PPARA: variants seen among roughly 807,000 people sequenced by gnomAD.
The protein encoded by PPARA is peroxisome proliferator-activated receptor alpha.
In PPARA, 22 loss-of-function variants were observed where a neutral mutation model predicts 42.2. The ratio of observed to expected loss-of-function variants is 0.52; its 90% CI spans 0.37 to 0.74. The LOEUF (loss-of-function observed/expected upper bound fraction) is 0.74. Among genes scored for constraint, PPARA ranks in the 30% least tolerant of loss-of-function variants. PPARA has a pLI of 0.00. For missense variants in PPARA, 465 were observed against 608.2 expected, an observed-to-expected ratio of 0.76 and a Z score of 2.48; for synonymous variants, 242 against 239.3, an observed-to-expected ratio of 1.01 and a Z score of -0.10.
At position 46,211,868 on chromosome 22, in the gene PPARA, C is replaced by A. The variant is rs1933968853; in HGVS notation, c.209-3305C>A. ...CCCTGGCTAACTTTTTGTATTTTTA[C>A]AAAATACAAAAGACGATGTTTCACT... is the stretch of plus-strand genomic sequence containing the variant. On this transcript the variant is annotated intron_variant, in intron 4 of 8. Coordinates refer to ENST00000407236, the MANE Select transcript of PPARA (RefSeq NM_005036.6). This position sits in a 1 kb window ranked among gnomAD's most constrained non-coding sequence, Gnocchi z 4.1. Among the ~76,000 whole-genome samples, 1 of 151,984 alleles carries A rather than the reference C, an allele frequency of 6.6e-6. No individual in the cohort carries two copies. The highest frequency in any genetic ancestry group is 2.4e-5 in the African/African-American group (1 of 41,372).
At position 46,232,231 on chromosome 22, in the gene PPARA, G is replaced by C. The variant is rs775585199; in HGVS notation, c.1151G>C (p.Cys384Ser). 6.2e-7 allele frequency: 1 copy of C among 1,614,068 alleles called. No individual in the cohort carries two copies. Among genetic ancestry groups the C allele is most frequent in the South Asian group, 1.1e-5 (1 of 91,082 alleles). Residue 384 changes from cysteine to serine, a missense_variant, in exon 8 of 9, where the codon TGC becomes TCC. By Grantham distance (112) the Cys-to-Ser change is moderately radical (BLOSUM62 -1). Around this residue, in one of 2 missense-constraint regions of PPARA, gnomAD observed 313 missense variants for 469.1 expected, o/e 0.67. Transcript: ENST00000407236. The surrounding 1 kb of genome is among the most constrained non-coding windows in gnomAD (Gnocchi z 5.3). ...DISLFVAAII[C>S]CGDRPGLLNV... Reference sequence around the variant, plus strand: ...TCCCTTTTTGTGGCTGCTATCATTTGCTGTGGAGGTGAGTGGTTGATTTAA... The same window carrying C: ...TCCCTTTTTGTGGCTGCTATCATTTCCTGTGGAGGTGAGTGGTTGATTTAA...
intron 2 of PPARA, among the ~76,000 whole-genome samples, chr22:46,172,337 AAAAC>A (rs1413294194): frequency 6.6e-6 from 1 of 151,840 alleles, no homozygotes; most frequent in Non-Finnish European, 1.5e-5. Context: ...AAAAAAAAAA[AAAAC>A]AGCATTGGGC....
rs779537201 is a variant in PPARA, at chr22:46,215,156, C to T, written c.209-17C>T. On this transcript the variant is annotated splice_polypyrimidine_tract_variant and intron_variant, in intron 4 of 8. Transcript: ENST00000407236. The stretch of plus-strand genomic sequence containing the variant: ...TGATGCCTGGACTATTCATCCGTCT[C>T]TCCTCTTTTTCCCCAGACACGCTTT... 1.9e-6 allele frequency: 3 copies of T among 1,612,940 alleles called. No homozygotes were observed. The African/African-American group carries it at 4.0e-5, about 22-fold the overall frequency.
intron 4 of PPARA, among the ~76,000 whole-genome samples, chr22:46,205,554 ATTT>A (rs1322589111): frequency 5.4e-4 from 7 of 12,912 alleles, no homozygotes; most frequent in African/African-American, 8.6e-4. Flanking sequence ...ATATATATAT[ATTT>A]TTTTTTTTTT....
At position 46,153,163 on chromosome 22, in the gene PPARA, CTTT is replaced by C. The variant is rs996863467; in HGVS notation, c.-127+1214_-127+1216del. On this transcript the variant is annotated intron_variant, in intron 2 of 8. Coordinates refer to ENST00000407236, the MANE Select transcript of PPARA (RefSeq NM_005036.6). ...TGTTTTTTCTTTCTTTTCCCACATC[CTTT>C]TTTTTTTTTTTTTTTTTTTTGTGAC... Among the ~76,000 whole-genome samples, 1,074 of 109,076 alleles carry C rather than the reference CTTT, an allele frequency of 9.8e-3. 4 individuals carry two copies. The highest frequency in any genetic ancestry group is 0.038 in the African/African-American group (1,017 of 27,104). The allele number at this position is 109,076 out of a possible 152,430, so 71.6% of individuals were successfully genotyped here.
rs1449195441 is a variant in PPARA, at chr22:46,156,845, A to G, written c.-127+4875A>G. Among the ~76,000 whole-genome samples the G allele has an allele frequency of 6.6e-6, 1 of 152,090 alleles. No homozygotes were observed. Among genetic ancestry groups the G allele is most frequent in the Non-Finnish European group, 1.5e-5 (1 of 68,036 alleles). On this transcript the variant is annotated intron_variant, in intron 2 of 8. Coordinates refer to ENST00000407236, the MANE Select transcript of PPARA (RefSeq NM_005036.6). The surrounding 1 kb of genome is among the most constrained non-coding windows in gnomAD (Gnocchi z 5.2). ...TTGAACTTCTGACCTCAGGTGATCC[A>G]CCTGCTTCAGCCTCCCAAAGTCTTA...
intron 4 of PPARA, among the ~76,000 whole-genome samples, chr22:46,208,254 G>A (rs778940374): frequency 7.2e-5 from 11 of 152,140 alleles, no homozygotes; most frequent in Non-Finnish European, 1.3e-4. Context: ...TTTGTGTGTG[G>A]TGAGAACATG....
rs1454238829 is a variant in PPARA, at chr22:46,160,137, C to T, written c.-127+8167C>T. Among the ~76,000 whole-genome samples the T allele has an allele frequency of 1.3e-5, 2 of 152,178 alleles. No individual in the cohort carries two copies. Among genetic ancestry groups the T allele is most frequent in the African/African-American group, 4.8e-5 (2 of 41,440 alleles). The stretch of plus-strand genomic sequence containing the variant: ...CAGAGGAGCAGGCTCCCATTCCCAG[C>T]TAAGGGTGGCAGCTGGCGGGGATCT... On this transcript the variant is annotated intron_variant, in intron 2 of 8. Coordinates refer to ENST00000407236, the MANE Select transcript of PPARA (RefSeq NM_005036.6). This position sits in a 1 kb window ranked among gnomAD's most constrained non-coding sequence, Gnocchi z 4.5.
At position 46,200,430 on chromosome 22, in the gene PPARA, G is replaced by A. The variant is rs146319280; in HGVS notation, c.208+1839G>A. Among the ~76,000 whole-genome samples, 921 of 152,348 alleles carry A rather than the reference G, an allele frequency of 6.0e-3. 8 individuals carry two copies. The highest frequency in any genetic ancestry group is 9.1e-3 in the Non-Finnish European group (621 of 68,034). On this transcript the variant is annotated intron_variant, in intron 4 of 8. Transcript: ENST00000407236. The surrounding 1 kb of genome is among the most constrained non-coding windows in gnomAD (Gnocchi z 4.8). ...GTACAGCGTGTTACTGTACTGAACG[G>A]CGTAGGCCCCTGTGACACAATGGTA...
At chr22:46,172,353 G>A (rs936547987) in intron 2 of PPARA, among the ~76,000 whole-genome samples, 4 of 151,114 alleles carry the variant, frequency 2.6e-5, no homozygotes, top group South Asian at 2.1e-4. Flanking sequence ...GCATTGGGCC[G>A]GGCAGTGGCT....
chr22:46,214,345 A>C (rs1714930221), intron 4 of PPARA, among the ~76,000 whole-genome samples: 1 of 149,986 alleles, frequency 6.7e-6, no homozygotes, highest in African/African-American at 2.5e-5. Flanking sequence ...GCGTACCCAG[A>C]GGTGCAGATC....
Position 46,173,527 on chromosome 22 carries a change from T to G in PPARA, c.-126-3226T>G, listed in dbSNP as rs1248515607. Among the ~76,000 whole-genome samples the G allele has an allele frequency of 6.6e-6, 1 of 152,196 alleles. No homozygotes were observed. Among genetic ancestry groups the G allele is most frequent in the Non-Finnish European group, 1.5e-5 (1 of 68,034 alleles). ...ACTAAGGCAGCTGCTACATTCTGTTTGCCAAGGGGAAGAAGAAAGCTTGGA... is the reference window on the plus strand; with the variant it reads ...ACTAAGGCAGCTGCTACATTCTGTTGGCCAAGGGGAAGAAGAAAGCTTGGA... On this transcript the variant is annotated intron_variant, in intron 2 of 8. Coordinates refer to ENST00000407236, the MANE Select transcript of PPARA (RefSeq NM_005036.6). This position sits in a 1 kb window ranked among gnomAD's most constrained non-coding sequence, Gnocchi z 4.3.
chr22:46,175,304 C>T (rs1928857787), intron 2 of PPARA, among the ~76,000 whole-genome samples: 1 of 152,188 alleles, frequency 6.6e-6, no homozygotes, highest in Non-Finnish European at 1.5e-5. Flanking sequence ...ATAATGTTTC[C>T]ATCACCAATC....
Position 46,203,501 on chromosome 22 carries a change from A to G in PPARA, c.208+4910A>G, listed in dbSNP as rs1601735325. 6.6e-6 allele frequency among the ~76,000 whole-genome samples: 1 copy of G among 152,206 alleles called. No homozygotes were observed. The highest frequency in any genetic ancestry group is 2.4e-5 in the African/African-American group (1 of 41,454). On this transcript the variant is annotated intron_variant, in intron 4 of 8. Transcript: ENST00000407236. This position sits in a 1 kb window ranked among gnomAD's most constrained non-coding sequence, Gnocchi z 5.8. ...ACACACACGCATCTGTGAAACCATC[A>G]TCACACTCAAAATAGTGATGTAGAA...
chr22:46,229,838 A>C (rs1477287389), intron 7 of PPARA, among the ~76,000 whole-genome samples: 5 of 152,228 alleles, frequency 3.3e-5, no homozygotes, highest in Non-Finnish European at 5.9e-5. Flanking sequence ...CTTTTTGTCC[A>C]GCATTATGTT....
Position 46,183,874 on chromosome 22 carries a change from T to A in PPARA, c.-43+7038T>A, listed in dbSNP as rs1302222950. Among the ~76,000 whole-genome samples, 6 of 152,230 alleles carry A rather than the reference T, an allele frequency of 3.9e-5. No homozygotes were observed. The highest frequency in any genetic ancestry group is 1.4e-4 in the African/African-American group (6 of 41,544). ...AACCACACAGAGGGTTCTAACGTGG[T>A]TGTTAGAAGCAGAAACTAGAGGCTT... On this transcript the variant is annotated intron_variant, in intron 3 of 8. Coordinates refer to ENST00000407236, the MANE Select transcript of PPARA (RefSeq NM_005036.6). The surrounding 1 kb of genome is among the most constrained non-coding windows in gnomAD (Gnocchi z 5.5).
chr22:46,239,343 A>C lies in PPARA; in HGVS notation c.*3963A>C, dbSNP rs1160597343. On this transcript the variant is annotated 3_prime_UTR_variant, in exon 9 of 9. Transcript: ENST00000407236. ...ACAACTTAGCCACCACTTCCCCGCAATGGACCATGTAACAAATACCTCAGC... is the reference window on the plus strand; with the variant it reads ...ACAACTTAGCCACCACTTCCCCGCACTGGACCATGTAACAAATACCTCAGC... The C allele has an allele frequency of 6.6e-6, 1 of 151,962 alleles. No individual in the cohort carries two copies. The highest frequency in any genetic ancestry group is 2.4e-5 in the African/African-American group (1 of 41,334). The allele number at this position is 151,962 out of a possible 1,614,324, so 9.4% of individuals were successfully genotyped here. A position where few individuals can be genotyped will look rare whatever the true frequency, so the allele number is the denominator to read the frequency against.
chr22:46,196,921 T>C lies in PPARA; in HGVS notation c.-42-1421T>C, dbSNP rs1932307580. ...TATTTTTAGTAGAGACAGAGTTTCA[T>C]CATGTTGGTCAAGCTGCCCTCCAAC... On this transcript the variant is annotated intron_variant, in intron 3 of 8. Transcript: ENST00000407236. The surrounding 1 kb of genome is among the most constrained non-coding windows in gnomAD (Gnocchi z 5.6). 6.6e-6 allele frequency among the ~76,000 whole-genome samples: 1 copy of C among 151,032 alleles called. No homozygotes were observed. Among genetic ancestry groups the C allele is most frequent in the African/African-American group, 2.4e-5 (1 of 40,910 alleles).
At chr22:46,194,281 C>T (rs991538841) in intron 3 of PPARA, among the ~76,000 whole-genome samples, 13 of 152,172 alleles carry the variant, frequency 8.5e-5, no homozygotes, top group African/African-American at 2.9e-4. Flanking sequence ...TTGGTTAGCT[C>T]TTCATTCATA....
Sources: gnomAD v4.1 joint callset for allele counts (sites outside exome capture counted in the v4.1 genomes callset) on GRCh38, gnomAD v4.1.1 for gene constraint, gnomAD v4.1.1 regional missense constraint, Gnocchi (gnomAD v3.1) non-coding constraint, MANE v1.5 for transcripts, NCBI Gene and HGNC (gene_info 2026-07-23, HGNC 2026-07-21) for gene names.